LHFPL6: variants seen among roughly 807,000 people sequenced by gnomAD.
LHFPL6 encodes the protein LHFPL tetraspan subfamily member 6.
A neutral mutation model predicts 20.6 loss-of-function variants in LHFPL6; 9 were observed. The ratio of observed to expected loss-of-function variants is 0.44; its 90% CI spans 0.26 to 0.76. The LOEUF (loss-of-function observed/expected upper bound fraction) is 0.76, where lower values mean the gene tolerates loss of function less well. Among genes scored for constraint, LHFPL6 ranks in the 30% least tolerant of loss-of-function variants. LHFPL6 has a pLI of 0.20. For synonymous variants in LHFPL6, 105 were observed against 98.7 expected, an observed-to-expected ratio of 1.06 and a Z score of -0.38; for missense variants, 218 against 253.5, an observed-to-expected ratio of 0.86 and a Z score of 0.95.
chr13:39,412,557 A>G (rs1394510562), intron 2 of LHFPL6, among the ~76,000 whole-genome samples: 2 of 152,258 alleles, frequency 1.3e-5, no homozygotes, highest in African/African-American at 2.4e-5. Flanking sequence ...CACAACATTA[A>G]GAGGCAGATG....
intron 2 of LHFPL6, among the ~76,000 whole-genome samples, chr13:39,525,690 A>C (rs1870264365): frequency 6.6e-6 from 1 of 152,150 alleles, no homozygotes; most frequent in Non-Finnish European, 1.5e-5. Context: ...CAAGCCAAAG[A>C]AATGTGGCCA....
intron 2 of LHFPL6, among the ~76,000 whole-genome samples, chr13:39,570,744 A>T (rs1415767731): frequency 6.6e-6 from 1 of 152,168 alleles, no homozygotes; most frequent in Non-Finnish European, 1.5e-5. Flanking sequence ...AACGGTCAGT[A>T]TGGGGCAACA....
chr13:39,569,126 CACGG>C (rs1461514758), intron 2 of LHFPL6, among the ~76,000 whole-genome samples: 1 of 112,714 alleles, frequency 8.9e-6, no homozygotes, highest in African/African-American at 3.4e-5. Flanking sequence ...GCTTAGTAAA[CACGG>C]ATGGATGGAT....
In LHFPL6 at chr13:39,378,557, C is replaced by CA. The variant is rs760079395; in HGVS notation, c.386-32dup. On this transcript the variant is annotated intron_variant, in intron 2 of 3. Coordinates refer to ENST00000379589, the MANE Select transcript of LHFPL6 (RefSeq NM_005780.3). ...AAGAGATAAGACAAGAGGGCTTTAC[C>CA]AGTGCTTCTCTGCATCACTAGATAA... 12 of 1,510,742 alleles carry CA rather than the reference C, an allele frequency of 7.9e-6. No homozygotes were observed. In the African/African-American group the frequency reaches 1.5e-4, roughly 19 times the overall value. The allele number at this position is 1,510,742 out of a possible 1,614,324, so 93.6% of individuals were successfully genotyped here.
At chr13:39,393,074 G>T (rs1870752438) in intron 2 of LHFPL6, among the ~76,000 whole-genome samples, 1 of 152,222 alleles carries the variant, frequency 6.6e-6, no homozygotes, top group Non-Finnish European at 1.5e-5. Context: ...AATGTGCATA[G>T]GTTATATGCA....
At chr13:39,561,411 T>C (rs753455541) in intron 2 of LHFPL6, among the ~76,000 whole-genome samples, 6 of 152,178 alleles carry the variant, frequency 3.9e-5, no homozygotes, top group South Asian at 2.1e-4. Flanking sequence ...TTTTGGACTT[T>C]GACGAGAACC....
intron 2 of LHFPL6, among the ~76,000 whole-genome samples, chr13:39,597,232 A>T (rs956823362): frequency 6.6e-6 from 1 of 152,192 alleles, no homozygotes; most frequent in African/African-American, 2.4e-5. Flanking sequence ...GTACTTCCTC[A>T]TTACTGCACC....
At chr13:39,352,065 T>C (rs533125339) in intron 3 of LHFPL6, among the ~76,000 whole-genome samples, 2 of 152,352 alleles carry the variant, frequency 1.3e-5, no homozygotes, top group African/African-American at 2.4e-5. Context: ...GCTAAAGGTC[T>C]GCACCTTGCA....
intron 2 of LHFPL6, among the ~76,000 whole-genome samples, chr13:39,569,148 T>TGGAC (rs747576240): frequency 1.4e-5 from 2 of 144,396 alleles, no homozygotes; most frequent in Non-Finnish European, 3.1e-5. Context: ...GATGGATGGA[T>TGGAC]GGACGGACGG....
intron 3 of LHFPL6, among the ~76,000 whole-genome samples, chr13:39,369,139 A>G (rs1870089199): frequency 6.6e-6 from 1 of 151,664 alleles, no homozygotes; most frequent in Non-Finnish European, 1.5e-5. Flanking sequence ...TCTTTAAAAG[A>G]GAGACTAGCA....
At chr13:39,346,265 G>A (rs1869398566) in intron 3 of LHFPL6, among the ~76,000 whole-genome samples, 2 of 152,118 alleles carry the variant, frequency 1.3e-5, no homozygotes, top group South Asian at 4.1e-4. Context: ...CATCTTAAAA[G>A]TTCTTAGGCC....
chr13:39,352,401 C>T (rs1869591728), intron 3 of LHFPL6, among the ~76,000 whole-genome samples: 2 of 152,334 alleles, frequency 1.3e-5, no homozygotes, highest in South Asian at 4.1e-4. Context: ...CACCCAGAGA[C>T]TCCATGGTAG....
intron 2 of LHFPL6, among the ~76,000 whole-genome samples, chr13:39,476,516 T>C (rs1873087868): frequency 6.6e-6 from 1 of 152,182 alleles, no homozygotes; most frequent in South Asian, 2.1e-4. Flanking sequence ...TTAGTAAAGA[T>C]CTAGTAACAA....
intron 2 of LHFPL6, among the ~76,000 whole-genome samples, chr13:39,429,864 C>G (rs1304372412): frequency 1.3e-5 from 2 of 152,118 alleles, no homozygotes; most frequent in Non-Finnish European, 2.9e-5. Context: ...TAAACTTGAC[C>G]TCTCTGCAGC....
chr13:39,600,738 G>A (rs1872910263), intron 2 of LHFPL6, 94 bp downstream of exon 2: 2 of 1,263,718 alleles, frequency 1.6e-6, no homozygotes, highest in Non-Finnish European at 2.1e-6. Flanking sequence ...CATTCCAGGT[G>A]TCATTTATAA....
intron 2 of LHFPL6, among the ~76,000 whole-genome samples, chr13:39,537,094 G>A (rs1593353929): frequency 6.6e-6 from 1 of 152,294 alleles, no homozygotes; most frequent in African/African-American, 2.4e-5. Flanking sequence ...AGCCTTGTGG[G>A]AATTTTTAAA....
At chr13:39,403,999 C>T (rs924052719) in intron 2 of LHFPL6, among the ~76,000 whole-genome samples, 1 of 152,116 alleles carries the variant, frequency 6.6e-6, no homozygotes. Context: ...GTTGTTTTTG[C>T]CTCAAGTAAA....
At chr13:39,592,362 G>A (rs900311077) in intron 2 of LHFPL6, among the ~76,000 whole-genome samples, 1 of 152,080 alleles carries the variant, frequency 6.6e-6, no homozygotes, top group Non-Finnish European at 1.5e-5. Flanking sequence ...AAATAAACTA[G>A]AAAATCTAGA....
At chr13:39,514,472 T>C (rs991971831) in intron 2 of LHFPL6, among the ~76,000 whole-genome samples, 3 of 152,172 alleles carry the variant, frequency 2.0e-5, no homozygotes, top group African/African-American at 7.2e-5. Context: ...AGGCAGTAGG[T>C]ATTGTACCTG....
Sources: allele counts gnomAD v4.1 joint callset (sites outside exome capture counted in the v4.1 genomes callset), GRCh38; gene constraint gnomAD v4.1.1; transcripts MANE v1.5; gene names NCBI Gene and HGNC (gene_info 2026-07-23, HGNC 2026-07-21).